The following ASIC2 variants were observed in gnomAD, a reference collection of about 807,000 sequenced individuals.
The protein encoded by ASIC2 is acid-sensing ion channel 2.
A neutral mutation model predicts 57.3 loss-of-function variants in ASIC2; 25 were observed. That is an observed-to-expected ratio of 0.44 (90% CI 0.32 to 0.61). ASIC2 has a LOEUF of 0.61. Ranked by LOEUF, ASIC2 falls within the 20% of genes least tolerant of loss-of-function variation. The pLI, the probability that ASIC2 is intolerant of heterozygous loss-of-function variation, is 0.06. For missense variants in ASIC2, 641 were observed against 738.1 expected, an observed-to-expected ratio of 0.87 and a Z score of 1.52; for synonymous variants, 319 against 307.5, an observed-to-expected ratio of 1.04 and a Z score of -0.39.
At chr17:33,256,173 T>C (rs1199073572) in intron 1 of ASIC2, among the ~76,000 whole-genome samples, 1 of 152,148 alleles carries the variant, frequency 6.6e-6, no homozygotes, top group Non-Finnish European at 1.5e-5. Context: ...GAAAACTGAA[T>C]ACCACCAAAG....
chr17:33,797,120 T>C (rs552370737), intron 1 of ASIC2, among the ~76,000 whole-genome samples: 1 of 152,312 alleles, frequency 6.6e-6, no homozygotes, highest in East Asian at 1.9e-4. Flanking sequence ...CCTGACGCAG[T>C]GCCCAGTACA....
chr17:33,969,942 A>G (rs1905178928), intron 1 of ASIC2, among the ~76,000 whole-genome samples: 1 of 152,110 alleles, frequency 6.6e-6, no homozygotes, highest in African/African-American at 2.4e-5. Context: ...GGAAGAGGGA[A>G]AGGAAAGGCC....
At chr17:33,465,914 A>G (rs1450489943) in intron 1 of ASIC2, among the ~76,000 whole-genome samples, 1 of 152,192 alleles carries the variant, frequency 6.6e-6, no homozygotes, top group Non-Finnish European at 1.5e-5. Context: ...TTCAAGTCTT[A>G]AAAACTGTAA....
chr17:33,949,159 G>A (rs1185907293), intron 1 of ASIC2, among the ~76,000 whole-genome samples: 1 of 152,082 alleles, frequency 6.6e-6, no homozygotes, highest in African/African-American at 2.4e-5. Context: ...GTGGGTCAAA[G>A]TTTCACTAAC....
At chr17:34,113,765 C>G (rs927781784) in intron 1 of ASIC2, among the ~76,000 whole-genome samples, 3 of 151,858 alleles carry the variant, frequency 2.0e-5, no homozygotes, top group African/African-American at 7.3e-5. Flanking sequence ...GTCGCAGTTA[C>G]TTGGGAGACT....
intron 1 of ASIC2, among the ~76,000 whole-genome samples, chr17:33,433,949 G>A (rs1262586011): frequency 6.6e-6 from 1 of 151,688 alleles, no homozygotes; most frequent in African/African-American, 2.4e-5. Flanking sequence ...GTGGGGCACA[G>A]AGAAACAATA....
intron 1 of ASIC2, among the ~76,000 whole-genome samples, chr17:33,379,809 T>A (rs1202798771): frequency 6.6e-6 from 1 of 152,166 alleles, no homozygotes; most frequent in African/African-American, 2.4e-5. Flanking sequence ...AAGGTGAAGA[T>A]GGGTGTTAAA....
intron 1 of ASIC2, among the ~76,000 whole-genome samples, chr17:33,201,250 G>T (rs1906847223): frequency 6.6e-6 from 1 of 152,182 alleles, no homozygotes; most frequent in African/African-American, 2.4e-5. Flanking sequence ...CTACAGCAGT[G>T]CTCGATCCAC....
intron 1 of ASIC2, among the ~76,000 whole-genome samples, chr17:33,898,596 G>C (rs1016940845): frequency 1.3e-5 from 2 of 151,978 alleles, no homozygotes; most frequent in Admixed American, 6.6e-5. Context: ...AATTAACAGT[G>C]GTATAACATT....
chr17:33,444,288 A>G (rs1485075338), intron 1 of ASIC2, among the ~76,000 whole-genome samples: 1 of 152,150 alleles, frequency 6.6e-6, no homozygotes, highest in Non-Finnish European at 1.5e-5. Context: ...CCTTGTTTTC[A>G]AGTTGTCATT....
chr17:33,134,198 C>T (rs2092358752), intron 1 of ASIC2, among the ~76,000 whole-genome samples: 1 of 152,236 alleles, frequency 6.6e-6, no homozygotes, highest in African/African-American at 2.4e-5. Flanking sequence ...TTACCATCCC[C>T]ATTTTACATA....
chr17:34,145,675 G>A (rs377428592), intron 1 of ASIC2, among the ~76,000 whole-genome samples: 21 of 152,192 alleles, frequency 1.4e-4, no homozygotes, highest in East Asian at 1.2e-3. Flanking sequence ...GATTGCCTTC[G>A]AAGTGTTTTA....
At chr17:33,426,246 G>A (rs1911216291) in intron 1 of ASIC2, among the ~76,000 whole-genome samples, 1 of 152,198 alleles carries the variant, frequency 6.6e-6, no homozygotes, top group African/African-American at 2.4e-5. Context: ...ATCATAGCCA[G>A]GGCACTTTAC....
At position 33,248,821 on chromosome 17, in the gene ASIC2, T is replaced by C. The variant is rs973551770; in HGVS notation, c.708+42587A>G. On this transcript the variant is annotated intron_variant, in intron 1 of 9. Coordinates refer to ENST00000225823, the MANE Select transcript of ASIC2 (RefSeq NM_183377.2). The stretch of plus-strand genomic sequence containing the variant: ...TGATATTTAGGGCCTACCTGGATAA[T>C]CCTACATGGTTTGTCCATCTCAAGT... 2.6e-5 allele frequency among the ~76,000 whole-genome samples: 4 copies of C among 152,354 alleles called. 1 individual carries two copies. Among genetic ancestry groups the C allele is most frequent in the Admixed American group, 2.6e-4 (4 of 15,306 alleles).
intron 1 of ASIC2, among the ~76,000 whole-genome samples, chr17:34,031,374 T>C (rs1447732931): frequency 6.6e-6 from 1 of 151,768 alleles, no homozygotes. Flanking sequence ...CTCACCATCA[T>C]CAAAGACCAA....
At chr17:33,232,081 A>G (rs1908112840) in intron 1 of ASIC2, among the ~76,000 whole-genome samples, 2 of 152,284 alleles carry the variant, frequency 1.3e-5, no homozygotes, top group African/African-American at 2.4e-5. Context: ...TCATATGTTG[A>G]ATTCCTAGCT....
intron 1 of ASIC2, among the ~76,000 whole-genome samples, chr17:34,030,027 C>A (rs532645487): frequency 1.3e-5 from 2 of 152,328 alleles, no homozygotes; most frequent in South Asian, 4.1e-4. Context: ...CCTCCAAAGC[C>A]TGAATCCCAC....
At chr17:33,269,550 G>T (rs866521552) in intron 1 of ASIC2, among the ~76,000 whole-genome samples, 2 of 152,236 alleles carry the variant, frequency 1.3e-5, no homozygotes, top group South Asian at 4.1e-4. Flanking sequence ...CAGGAAGCCA[G>T]CTGTGTATTG....
intron 1 of ASIC2, among the ~76,000 whole-genome samples, chr17:33,755,548 C>T (rs964823633): frequency 6.6e-6 from 1 of 152,168 alleles, no homozygotes; most frequent in Non-Finnish European, 1.5e-5. Flanking sequence ...ATGAATGATA[C>T]ATTTGAATGG....
Sources: gnomAD v4.1 joint callset for allele counts (sites outside exome capture counted in the v4.1 genomes callset) on GRCh38, gnomAD v4.1.1 for gene constraint, MANE v1.5 for transcripts, NCBI Gene and HGNC (gene_info 2026-07-23, HGNC 2026-07-21) for gene names.